SCAND3: variants seen among roughly 807,000 people sequenced by gnomAD.
SCAND3 encodes SCAN domain containing 3, also known as SCAN domain-containing protein 3.
the SCAND3 span, chr6:28,573,011 A>G: frequency 3.7e-6 from 6 of 1,613,340 alleles, no homozygotes; most frequent in African/African-American, 8.0e-5. Context: ...TTAAATTCCA[A>G]ACCACATTTG....
At chr6:28,573,094 A>G in the SCAND3 span, 1 of 1,608,296 alleles carries the variant, frequency 6.2e-7, no homozygotes, top group Non-Finnish European at 8.5e-7. Flanking sequence ...GGCTGAAAAA[A>G]AGAACTCTTC....
the SCAND3 span, among the ~76,000 whole-genome samples, chr6:28,607,153 G>C: frequency 1.3e-4 from 20 of 152,330 alleles, no homozygotes; most frequent in African/African-American, 4.6e-4. Flanking sequence ...CCTGTCTGTG[G>C]TTGGGGGTGT....
the SCAND3 span, among the ~76,000 whole-genome samples, chr6:28,576,947 T>C: frequency 6.6e-6 from 1 of 151,158 alleles, no homozygotes; most frequent in Non-Finnish European, 1.5e-5. Context: ...AGCAAGACAA[T>C]AATAGATTTT....
At chr6:28,615,600 CAAA>C in the SCAND3 span, among the ~76,000 whole-genome samples, 28 of 115,658 alleles carry the variant, frequency 2.4e-4, no homozygotes, top group Admixed American at 2.6e-4. Context: ...GACTCCATCT[CAAA>C]AAAAAAAAAA....
the SCAND3 span, among the ~76,000 whole-genome samples, chr6:28,576,590 T>C: frequency 6.6e-6 from 1 of 151,916 alleles, no homozygotes; most frequent in Non-Finnish European, 1.5e-5. Flanking sequence ...GATTAAGGAA[T>C]CCAACTTTGG....
chr6:28,616,041 T>C, the SCAND3 span: 1 of 152,186 alleles, frequency 6.6e-6, no homozygotes, highest in East Asian at 1.9e-4. The surrounding 1 kb of genome is among the most constrained non-coding windows in gnomAD (Gnocchi z 4.3). Context: ...CACTCGGGCC[T>C]TCTATAAACG....
the SCAND3 span, chr6:28,590,925 GTGGC>G: frequency 6.6e-6 from 1 of 152,202 alleles, no homozygotes. Flanking sequence ...CTTAGCTAGT[GTGGC>G]CCCACCTTCT....
the SCAND3 span, among the ~76,000 whole-genome samples, chr6:28,609,662 G>T: frequency 6.6e-6 from 1 of 152,306 alleles, no homozygotes; most frequent in South Asian, 2.1e-4. Context: ...GGATTAGGCT[G>T]ATGTCACCTA....
At chr6:28,574,317 T>A in the SCAND3 span, among the ~76,000 whole-genome samples, 2 of 152,324 alleles carry the variant, frequency 1.3e-5, no homozygotes, top group Admixed American at 6.5e-5. Flanking sequence ...AACCTCCATA[T>A]TTCAAAACAT....
the SCAND3 span, chr6:28,589,376 GTTGGTCCC>G: frequency 6.6e-6 from 1 of 151,990 alleles, no homozygotes; most frequent in Non-Finnish European, 1.5e-5. Context: ...TACCCTTGTG[GTTGGTCCC>G]ATGGTGTAAT....
the SCAND3 span, chr6:28,575,194 A>G: frequency 1.2e-6 from 2 of 1,613,988 alleles, no homozygotes; most frequent in African/African-American, 2.7e-5. The surrounding 1 kb of genome is among the most constrained non-coding windows in gnomAD (Gnocchi z 4.2). Context: ...ATTTTGGGAC[A>G]TCTGAATGAA....
the SCAND3 span, among the ~76,000 whole-genome samples, chr6:28,579,584 A>G: frequency 6.6e-6 from 1 of 152,260 alleles, no homozygotes; most frequent in Non-Finnish European, 1.5e-5. This position sits in a 1 kb window ranked among gnomAD's most constrained non-coding sequence, Gnocchi z 4.5. Context: ...GCTGGGACTA[A>G]TAAAGCCAGA....
the SCAND3 span, among the ~76,000 whole-genome samples, chr6:28,578,438 T>C: frequency 6.6e-6 from 1 of 152,202 alleles, no homozygotes; most frequent in African/African-American, 2.4e-5. Context: ...TCACATTATC[T>C]AACACGTTAC....
At chr6:28,590,080 G>C in the SCAND3 span, 1 of 152,150 alleles carries the variant, frequency 6.6e-6, no homozygotes, top group Non-Finnish European at 1.5e-5. Flanking sequence ...GAGTCTTCCA[G>C]CCGGAGAGAA....
the SCAND3 span, chr6:28,586,579 TATA>T: frequency 1.9e-6 from 3 of 1,614,100 alleles, no homozygotes; most frequent in Non-Finnish European, 2.5e-6. The surrounding 1 kb of genome is among the most constrained non-coding windows in gnomAD (Gnocchi z 4.4). Flanking sequence ...AGTTCCCTGG[TATA>T]AGACAAATTC....
chr6:28,579,163 T>C, the SCAND3 span: 1 of 1,001,872 alleles, frequency 1.0e-6, no homozygotes, highest in Non-Finnish European at 1.5e-6. The surrounding 1 kb of genome is among the most constrained non-coding windows in gnomAD (Gnocchi z 4.5). Flanking sequence ...CCTTCAACTA[T>C]TAATACATTC....
At chr6:28,571,934 T>A in the SCAND3 span, 4 of 1,613,346 alleles carry the variant, frequency 2.5e-6, no homozygotes, top group Middle Eastern at 5.0e-4. Flanking sequence ...TGAGCTTGCT[T>A]CTTGCTTGTT....
At chr6:28,581,437 C>T in the SCAND3 span, among the ~76,000 whole-genome samples, 1 of 152,088 alleles carries the variant, frequency 6.6e-6, no homozygotes, top group Non-Finnish European at 1.5e-5. Context: ...CCAATAAATT[C>T]GAACATCTAA....
chr6:28,571,745 A>T, the SCAND3 span: 2 of 646,782 alleles, frequency 3.1e-6, no homozygotes, highest in Non-Finnish European at 4.8e-6. Flanking sequence ...AATTGAAAAT[A>T]TACATATAGG....
Sources: gnomAD v4.1 joint callset for allele counts (sites outside exome capture counted in the v4.1 genomes callset) on GRCh38, gnomAD v4.1.1 for gene constraint, Gnocchi (gnomAD v3.1) non-coding constraint, MANE v1.5 for transcripts, NCBI Gene and HGNC (gene_info 2026-07-23, HGNC 2026-07-21) for gene names.